Variants in CNBD1 observed in about 807,000 individuals in gnomAD.
CNBD1 encodes the protein cyclic nucleotide binding domain containing 1.
In CNBD1, 71 loss-of-function variants were observed where a neutral mutation model predicts 54.4. That is an observed-to-expected ratio of 1.30 (90% confidence interval 1.08 to 1.59). The LOEUF (loss-of-function observed/expected upper bound fraction) is 1.59. Ranked by LOEUF, CNBD1 falls within the 40% of genes most tolerant of loss-of-function variation. The pLI is 0.00. For missense variants in CNBD1, 659 were observed against 518.0 expected (o/e 1.27, Z -2.64); for synonymous variants, 182 against 170.7 (o/e 1.07, Z -0.51).
intron 5 of CNBD1, among the ~76,000 whole-genome samples, chr8:87,209,207 G>A (rs1814041106): frequency 6.6e-6 from 1 of 152,004 alleles, no homozygotes; most frequent in African/African-American, 2.4e-5. Flanking sequence ...ATTTTAAAAA[G>A]AATTAATATC....
Position 86,905,204 on chromosome 8 carries a change from C to T in CNBD1, c.272+10C>T, listed in dbSNP as rs767848414. ...AACAGGAGGAACAAAGGTAATGATA[C>T]CTTCTTTTGAAAGCAAGGTTGATGG... On this transcript the variant is annotated intron_variant, in intron 3 of 10. Transcript: ENST00000518476. The T allele has an allele frequency of 2.6e-6, 4 of 1,509,838 alleles. No homozygotes were observed. In the African/African-American group the frequency reaches 4.1e-5, roughly 16 times the overall value. The allele number at this position is 1,509,838 out of a possible 1,614,324, so 93.5% of individuals were successfully genotyped here. A position where few individuals can be genotyped will look rare whatever the true frequency, so the allele number is the denominator to read the frequency against.
chr8:87,002,588 C>T (rs1280727419), intron 4 of CNBD1, among the ~76,000 whole-genome samples: 1 of 143,314 alleles, frequency 7.0e-6, no homozygotes, highest in African/African-American at 2.5e-5. Context: ...ATGCTGAAAC[C>T]TTTTTTTTTT....
At chr8:87,276,257 T>G (rs1808478138) in intron 6 of CNBD1, among the ~76,000 whole-genome samples, 1 of 151,906 alleles carries the variant, frequency 6.6e-6, no homozygotes, top group Non-Finnish European at 1.5e-5. Context: ...TGCCTTCCTT[T>G]TATTAAGATG....
intron 4 of CNBD1, among the ~76,000 whole-genome samples, chr8:86,982,231 ATCT>A (rs549493333): frequency 6.6e-6 from 1 of 152,148 alleles, no homozygotes; most frequent in Non-Finnish European, 1.5e-5. Context: ...TTCTTTGTAT[ATCT>A]TCTTCTTATT....
intron 4 of CNBD1, among the ~76,000 whole-genome samples, chr8:86,976,406 T>A (rs1808343807): frequency 6.6e-6 from 1 of 151,922 alleles, no homozygotes. Context: ...GATTTTCATA[T>A]AAGGGATGAG....
At chr8:86,963,748 A>G (rs1451708614) in intron 4 of CNBD1, among the ~76,000 whole-genome samples, 1 of 152,184 alleles carries the variant, frequency 6.6e-6, no homozygotes, top group Admixed American at 6.5e-5. Context: ...GCTCAAGTCC[A>G]GGAGGAGGTC....
At chr8:87,292,469 A>T (rs1330529293) in intron 8 of CNBD1, among the ~76,000 whole-genome samples, 1 of 152,196 alleles carries the variant, frequency 6.6e-6, no homozygotes, top group Non-Finnish European at 1.5e-5. Context: ...CAAGCTTTCT[A>T]CTACATGGGG....
chr8:87,344,644 G>T (rs1386511275), intron 8 of CNBD1, among the ~76,000 whole-genome samples: 1 of 151,956 alleles, frequency 6.6e-6, no homozygotes, highest in Non-Finnish European at 1.5e-5. Flanking sequence ...AAACCAAGCA[G>T]AATATGTCTT....
intron 2 of CNBD1, among the ~76,000 whole-genome samples, chr8:87,414,920 T>C (rs1037950109): frequency 1.3e-5 from 2 of 152,050 alleles, no homozygotes; most frequent in African/African-American, 4.8e-5. Context: ...TTAAATGACT[T>C]ACAGGTCTGA....
chr8:87,419,283 T>A (rs1807886274), intron 2 of CNBD1, among the ~76,000 whole-genome samples: 1 of 151,800 alleles, frequency 6.6e-6, no homozygotes, highest in Non-Finnish European at 1.5e-5. Context: ...AAGATTAGTG[T>A]TTGCTAGGAT....
intron 4 of CNBD1, among the ~76,000 whole-genome samples, chr8:87,027,211 A>G (rs1440148189): frequency 6.6e-6 from 1 of 152,166 alleles, no homozygotes; most frequent in East Asian, 1.9e-4. Context: ...AGGTAATGCA[A>G]TGAAGACTGT....
At chr8:87,057,086 C>T (rs1421092086) in intron 4 of CNBD1, among the ~76,000 whole-genome samples, 1 of 152,168 alleles carries the variant, frequency 6.6e-6, no homozygotes, top group African/African-American at 2.4e-5. Flanking sequence ...GGAAGACCAT[C>T]CACCTTGAAG....
chr8:86,927,999 C>CT (rs1233506583), intron 3 of CNBD1, among the ~76,000 whole-genome samples: 1 of 151,998 alleles, frequency 6.6e-6, no homozygotes, highest in Non-Finnish European at 1.5e-5. Flanking sequence ...CCACTCTTGC[C>CT]ACCTTAACTG....
intron 4 of CNBD1, among the ~76,000 whole-genome samples, chr8:86,975,833 A>G (rs1419355734): frequency 6.6e-6 from 1 of 152,080 alleles, no homozygotes; most frequent in South Asian, 2.1e-4. Context: ...GTCATAATTT[A>G]TATTACCACC....
chr8:87,288,234 T>C (rs1484551405), intron 8 of CNBD1, among the ~76,000 whole-genome samples: 1 of 152,096 alleles, frequency 6.6e-6, no homozygotes, highest in Non-Finnish European at 1.5e-5. Flanking sequence ...ATATTAATTC[T>C]TATAATAATT....
chr8:86,881,179 C>T (rs1473555644), intron 1 of CNBD1, among the ~76,000 whole-genome samples: 2 of 152,112 alleles, frequency 1.3e-5, no homozygotes, highest in Non-Finnish European at 2.9e-5. Context: ...CTGGCCAGGG[C>T]AATCAGGCAA....
chr8:87,207,453 GAC>G (rs35603569), intron 5 of CNBD1, among the ~76,000 whole-genome samples: 64 of 148,066 alleles, frequency 4.3e-4, no homozygotes, highest in East Asian at 1.6e-3. Flanking sequence ...TATGCACATA[GAC>G]ACACACACAC....
intron 6 of CNBD1, among the ~76,000 whole-genome samples, chr8:87,245,610 AT>A (rs1807785932): frequency 6.6e-6 from 1 of 151,140 alleles, no homozygotes; most frequent in African/African-American, 2.5e-5. Context: ...TTTATGTAAG[AT>A]TAAAAAAAAG....
intron 3 of CNBD1, among the ~76,000 whole-genome samples, chr8:86,934,823 AT>A (rs1792665922): frequency 6.6e-6 from 1 of 152,164 alleles, no homozygotes; most frequent in African/African-American, 2.4e-5. Context: ...ATCTTCTAAA[AT>A]TATCCCTGGA....
Sources: gnomAD v4.1 joint callset for allele counts (sites outside exome capture counted in the v4.1 genomes callset) on GRCh38, gnomAD v4.1.1 for gene constraint, MANE v1.5 for transcripts, NCBI Gene and HGNC (gene_info 2026-07-23, HGNC 2026-07-21) for gene names.